WDR11: variants seen among roughly 807,000 people sequenced by gnomAD.
WDR11 encodes WD repeat-containing protein 11.
Under a neutral mutation model 151.2 loss-of-function variants are expected in WDR11, and 83 were observed. That is an observed-to-expected ratio of 0.55 (90% CI 0.46 to 0.66). The LOEUF (loss-of-function observed/expected upper bound fraction) is 0.66. Among genes scored for constraint, WDR11 ranks in the 30% least tolerant of loss-of-function variants. The pLI, the probability that WDR11 is intolerant of heterozygous loss-of-function variation, is 0.00. For synonymous variants in WDR11, 484 were observed against 533.1 expected (o/e 0.91, Z 1.27); for missense variants, 1,301 against 1,480.9 (o/e 0.88, Z 1.99).
At position 120,862,695 on chromosome 10, in the gene WDR11, T is replaced by C. The variant is rs758564010; in HGVS notation, c.527-40T>C. The C allele has an allele frequency of 1.0e-5, 16 of 1,599,570 alleles. No individual in the cohort carries two copies. In the Admixed American group the frequency reaches 1.3e-4, roughly 13 times the overall value. On this transcript the variant is annotated intron_variant, in intron 4 of 28. Transcript: ENST00000263461. ...TTGGAATAAAACTGTATGCTAAACTTCATTAAACTTTAATCAGAGTTTTGC... is the reference window on the plus strand; with the variant it reads ...TTGGAATAAAACTGTATGCTAAACTCCATTAAACTTTAATCAGAGTTTTGC...
chr10:120,908,492 T>TGGGA (rs1472030982), intron 28 of WDR11, 64 bp from the exon 29 acceptor site: 93 of 1,569,314 alleles, frequency 5.9e-5, no homozygotes, highest in Non-Finnish European at 8.0e-5. Context: ...TTCCTGCTTC[T>TGGGA]GGGAGCCTGT....
chr10:120,860,957 G>A (rs1846115518), intron 4 of WDR11, among the ~76,000 whole-genome samples: 1 of 152,206 alleles, frequency 6.6e-6, no homozygotes. Context: ...GCATTCTAGT[G>A]AGAAGAAGTC....
chr10:120,906,233 A>G (rs1328283302), intron 27 of WDR11: 5 of 1,440,076 alleles, frequency 3.5e-6, no homozygotes, highest in Non-Finnish European at 4.5e-6. Flanking sequence ...TCCTACTAAT[A>G]TGCTGATCAG....
chr10:120,904,661 CA>C lies in WDR11; in HGVS notation c.3044del (p.Gln1015ArgfsTer18). 6.2e-7 allele frequency: 1 copy of C among 1,614,134 alleles called. No homozygotes were observed. Among genetic ancestry groups the C allele is most frequent in the Non-Finnish European group, 8.5e-7 (1 of 1,180,010 alleles). On this transcript the variant is annotated frameshift_variant, in exon 25 of 29. Coordinates refer to ENST00000263461, the MANE Select transcript of WDR11 (RefSeq NM_018117.12). LOFTEE classifies it high-confidence loss of function. Reference protein sequence around the residue: ...LLLGQTDRAVQLLLETSADNQ... With the variant: ...LLLGQTDRAVXLLLETSADNQ... Reference sequence around the variant, plus strand: ...CTCTTACTAGACAGACAGAGCTGTGCAGTTGCTGTTGGAAACAAGTGCAGAT... The same window carrying C: ...CTCTTACTAGACAGACAGAGCTGTGCGTTGCTGTTGGAAACAAGTGCAGAT...
rs369517900 is a variant in WDR11 at position 120,883,721 on chromosome 10, C to G, written c.1740-59C>G. On this transcript the variant is annotated intron_variant, in intron 13 of 28. Coordinates refer to ENST00000263461, the MANE Select transcript of WDR11 (RefSeq NM_018117.12). ...CAATTTACTGAACTTTTTATTTGCTCTAATTCATGGTGAAATTTTTGCAAA... is the reference window on the plus strand; with the variant it reads ...CAATTTACTGAACTTTTTATTTGCTGTAATTCATGGTGAAATTTTTGCAAA... 7.6e-6 allele frequency: 11 copies of G among 1,448,654 alleles called. No homozygotes were observed. In the African/African-American group the frequency reaches 9.8e-5, roughly 13 times the overall value. The allele number at this position is 1,448,654 out of a possible 1,614,324, so 89.7% of individuals were successfully genotyped here.
chr10:120,854,859 T>C (rs1845895004), intron 2 of WDR11, among the ~76,000 whole-genome samples: 1 of 152,160 alleles, frequency 6.6e-6, no homozygotes, highest in South Asian at 2.1e-4. Flanking sequence ...TTTTTATAAT[T>C]GAGTCGTAAG....
At chr10:120,885,288 C>T (rs374628293) in intron 14 of WDR11, among the ~76,000 whole-genome samples, 3,645 of 94,442 alleles carry the variant, frequency 0.039, 50 homozygotes, top group African/African-American at 0.06. Flanking sequence ...TATATATATA[C>T]ACACACACAC....
chr10:120,905,269 C>T, intron 25 of WDR11, 50 bp from the exon 26 acceptor site: 1 of 1,583,414 alleles, frequency 6.3e-7, no homozygotes, highest in South Asian at 1.1e-5. Flanking sequence ...AATGACTTCT[C>T]AAAGAAGGAG....
chr10:120,897,294 T>C (rs1247234501), intron 19 of WDR11, among the ~76,000 whole-genome samples: 1 of 152,176 alleles, frequency 6.6e-6, no homozygotes, highest in Non-Finnish European at 1.5e-5. Flanking sequence ...AATCACCACT[T>C]TGCAGCCCCG....
intron 2 of WDR11, 83 bp downstream of exon 2, chr10:120,852,718 T>A (rs1845823363): frequency 4.3e-6 from 5 of 1,175,630 alleles, no homozygotes; most frequent in Middle Eastern, 2.2e-4. Context: ...CATTAAGTCT[T>A]ACGTGTAAGT....
intron 9 of WDR11, among the ~76,000 whole-genome samples, chr10:120,870,037 C>T (rs1223652996): frequency 6.6e-6 from 1 of 152,160 alleles, no homozygotes; most frequent in African/African-American, 2.4e-5. Flanking sequence ...ATCCGGTTGC[C>T]TCGGCCTCCC....
At chr10:120,856,101 A>G (rs1403135741) in intron 2 of WDR11, 1 of 152,194 alleles carries the variant, frequency 6.6e-6, no homozygotes, top group Non-Finnish European at 1.5e-5. Flanking sequence ...TCAGTCTGGT[A>G]TTATATTCCC....
chr10:120,885,880 G>T lies in WDR11; in HGVS notation c.1915G>T (p.Ala639Ser), dbSNP rs1171970789. The T allele has an allele frequency of 6.2e-7, 1 of 1,613,844 alleles. No homozygotes were observed. The highest frequency in any genetic ancestry group is 1.7e-5 in the Admixed American group (1 of 60,012). ...KKQLATREAMARQTVVSDTEL... is the reference protein window; with the variant it reads ...KKQLATREAMSRQTVVSDTEL... ...GCAACTTGCAACTCGAGAGGCCATG[G>T]CCCGCCAGACCGTAGTCTCAGACAC... Residue 639 changes from alanine (A) to serine (S), a missense_variant, in exon 15 of 29, where the codon GCC becomes TCC. Transcript: ENST00000263461.
rs569612664 is a variant in WDR11 at position 120,866,531 on chromosome 10, T to C, written c.995-38T>C. On this transcript the variant is annotated intron_variant, in intron 7 of 28. Coordinates refer to ENST00000263461, the MANE Select transcript of WDR11 (RefSeq NM_018117.12). Reference sequence around the variant, plus strand: ...GAAACAAACAGTAGTGGTATCGATATGGCTGCTTTCTGATATTTAAAACAA... The same window carrying C: ...GAAACAAACAGTAGTGGTATCGATACGGCTGCTTTCTGATATTTAAAACAA... 5 of 1,612,058 alleles carry C rather than the reference T, an allele frequency of 3.1e-6. No homozygotes were observed. The East Asian group carries it at 1.1e-4, about 36-fold the overall frequency.
rs752969424 is a variant in WDR11, at chr10:120,862,816, T to C, written c.608T>C (p.Ile203Thr). ...PPSGPGKKVY[I>T]SSPHSSPAHN... ...TCAGGCCCTGGGAAAAAAGTTTACA[T>C]ATCCAGCCCACACTCTAGCCCAGCT... The change falls in exon 5 of 29, where the codon ATA (isoleucine) becomes ACA (threonine). Residue 203 changes from isoleucine (I) to threonine (T), a missense_variant. By Grantham distance (89) the Ile-to-Thr change is moderately conservative. This residue lies in a region of WDR11 where 692 missense variants were observed against 762.5 expected (regional missense o/e 0.91). Coordinates refer to ENST00000263461, the MANE Select transcript of WDR11 (RefSeq NM_018117.12). The C allele has an allele frequency of 6.2e-7, 1 of 1,614,114 alleles. No individual in the cohort carries two copies.
At chr10:120,906,877 G>A (rs370788674) in intron 28 of WDR11, 22 bp downstream of exon 28, 276 of 1,614,032 alleles carry the variant, frequency 1.7e-4, no homozygotes, top group Non-Finnish European at 2.1e-4. Context: ...AAGGTTGTTT[G>A]TAGTGACGAG....
chr10:120,903,311 A>C, intron 23 of WDR11, 79 bp downstream of exon 23: 1 of 1,526,544 alleles, frequency 6.6e-7, no homozygotes, highest in Admixed American at 1.8e-5. Context: ...TAAACTTGGG[A>C]AACTTTCAAA....
chr10:120,863,928 A>T (rs1284923468), intron 5 of WDR11, among the ~76,000 whole-genome samples: 1 of 152,194 alleles, frequency 6.6e-6, no homozygotes, highest in Non-Finnish European at 1.5e-5. Context: ...TCTTAAGAGA[A>T]CTTTCTATTT....
chr10:120,874,000 G>T, intron 11 of WDR11, 77 bp downstream of exon 11: 1 of 931,816 alleles, frequency 1.1e-6, no homozygotes, highest in Non-Finnish European at 1.8e-6. Flanking sequence ...TCTACATTGA[G>T]TACTCTGTAA....
Sources: gnomAD v4.1 joint callset for allele counts (sites outside exome capture counted in the v4.1 genomes callset) on GRCh38, gnomAD v4.1.1 for gene constraint, gnomAD v4.1.1 regional missense constraint, MANE v1.5 for transcripts, NCBI Gene and HGNC (gene_info 2026-07-23, HGNC 2026-07-21) for gene names.